The following FKTN variants were observed in gnomAD, a reference collection of about 807,000 sequenced individuals.
The protein encoded by FKTN is ribitol-5-phosphate transferase FKTN.
Under a neutral mutation model 58.6 loss-of-function variants are expected in FKTN, and 47 were observed. That is an observed-to-expected ratio of 0.80 (90% confidence interval 0.63 to 1.02). FKTN has a LOEUF of 1.02. FKTN is among the 50% of genes least tolerant of loss of function. FKTN has a pLI of 0.00. For synonymous variants in FKTN, 178 were observed against 191.9 expected, an observed-to-expected ratio of 0.93 and a Z score of 0.60; for missense variants, 516 against 537.3, an observed-to-expected ratio of 0.96 and a Z score of 0.39.
chr9:105,637,592 T>G lies in FKTN; in HGVS notation c.*2328T>G. 1 of 985,450 alleles carries G rather than the reference T, an allele frequency of 1.0e-6. No homozygotes were observed. The highest frequency in any genetic ancestry group is 1.2e-6 in the Non-Finnish European group (1 of 829,928). 61.0% of individuals were successfully genotyped at this position (985,450 alleles called of 1,614,324 possible). ...GACCTTGGGTTAGGTATATCCATCT[T>G]CAGTACCTCATTGGATCACTTTTCT... On this transcript the variant is annotated 3_prime_UTR_variant, in exon 11 of 11. Transcript: ENST00000357998.
chr9:105,568,347 G>A (rs1840080858), intron 1 of FKTN, among the ~76,000 whole-genome samples: 1 of 152,172 alleles, frequency 6.6e-6, no homozygotes, highest in Non-Finnish European at 1.5e-5. Flanking sequence ...CCATCAGAGT[G>A]AACAGGCAAC....
At chr9:105,571,923 T>C (rs1288449499) in intron 1 of FKTN, among the ~76,000 whole-genome samples, 1 of 152,186 alleles carries the variant, frequency 6.6e-6, no homozygotes, top group Non-Finnish European at 1.5e-5. Flanking sequence ...AATTTTGGAT[T>C]AGGGATGTTC....
Position 105,638,772 on chromosome 9 carries a change from C to T in FKTN, c.*3508C>T, listed in dbSNP as rs1834227189. 2 of 975,622 alleles carry T rather than the reference C, an allele frequency of 2.0e-6. No homozygotes were observed. The highest frequency in any genetic ancestry group is 9.5e-5 in the South Asian group (2 of 21,074). The allele number at this position is 975,622 out of a possible 1,614,324, so 60.4% of individuals were successfully genotyped here. On this transcript the variant is annotated 3_prime_UTR_variant, in exon 11 of 11. Transcript: ENST00000357998. ...CTACTTTTAATTATTTATATTGATA[C>T]TCTCTGATAAATGCAGGTAGTTAAG...
At chr9:105,619,677 A>G (rs563259780) in intron 9 of FKTN, among the ~76,000 whole-genome samples, 31 of 152,244 alleles carry the variant, frequency 2.0e-4, no homozygotes, top group African/African-American at 7.5e-4. Flanking sequence ...AGTGATAATT[A>G]CCATAAGTCA....
intron 4 of FKTN, among the ~76,000 whole-genome samples, chr9:105,599,397 T>C (rs1443715496): frequency 6.6e-6 from 1 of 152,034 alleles, no homozygotes; most frequent in Non-Finnish European, 1.5e-5. Context: ...TTCTAATATT[T>C]TATTAAGTAT....
intron 8 of FKTN, among the ~76,000 whole-genome samples, chr9:105,616,273 C>A (rs1830784973): frequency 6.6e-6 from 1 of 152,082 alleles, no homozygotes; most frequent in South Asian, 2.1e-4. Context: ...TTGTTATTGC[C>A]TTTTTTTATA....
At chr9:105,581,544 G>T (rs1201231448) in intron 3 of FKTN, among the ~76,000 whole-genome samples, 1 of 151,386 alleles carries the variant, frequency 6.6e-6, no homozygotes, top group Non-Finnish European at 1.5e-5. Flanking sequence ...CCAGCTGCGT[G>T]CTGGGAGAAC....
At chr9:105,591,755 C>T (rs1844917783) in intron 3 of FKTN, among the ~76,000 whole-genome samples, 1 of 152,252 alleles carries the variant, frequency 6.6e-6, no homozygotes, top group South Asian at 2.1e-4. Context: ...TTCAACCCTG[C>T]ATTTCCCTTC....
chr9:105,638,210 T>C lies in FKTN; in HGVS notation c.*2946T>C. The C allele has an allele frequency of 6.1e-6, 6 of 985,402 alleles. No homozygotes were observed. Among genetic ancestry groups the C allele is most frequent in the Non-Finnish European group, 4.8e-6 (4 of 829,930 alleles). The allele number at this position is 985,402 out of a possible 1,614,324, so 61.0% of individuals were successfully genotyped here. On this transcript the variant is annotated 3_prime_UTR_variant, in exon 11 of 11. Transcript: ENST00000357998. ...GTCTGTTTCGCATCACAACACAGTATCTTTAACAGTGCTTGAGATGCTTAA... is the reference window on the plus strand; with the variant it reads ...GTCTGTTTCGCATCACAACACAGTACCTTTAACAGTGCTTGAGATGCTTAA...
intron 10 of FKTN, among the ~76,000 whole-genome samples, chr9:105,626,410 A>G (rs1207740439): frequency 6.6e-6 from 1 of 152,186 alleles, no homozygotes; most frequent in Non-Finnish European, 1.5e-5. Flanking sequence ...CACATGGTGA[A>G]AGGAGCAATC....
intron 3 of FKTN, among the ~76,000 whole-genome samples, chr9:105,578,678 G>C (rs1357912528): frequency 2.0e-5 from 3 of 151,566 alleles, no homozygotes; most frequent in Non-Finnish European, 4.4e-5. Flanking sequence ...AATGATGCTG[G>C]CCTCATAAAA....
chr9:105,590,870 C>T (rs1275791212), intron 3 of FKTN, among the ~76,000 whole-genome samples: 1 of 150,222 alleles, frequency 6.7e-6, no homozygotes. Flanking sequence ...AGCATCTGCT[C>T]AACTTCTGGG....
In FKTN at chr9:105,634,635, C is replaced by G. The variant is rs142738656; in HGVS notation, c.1173-416C>G. 8.5e-3 allele frequency among the ~76,000 whole-genome samples: 1,292 copies of G among 152,276 alleles called. 12 individuals carry two copies. Among genetic ancestry groups the G allele is most frequent in the Middle Eastern group, 0.024 (7 of 294 alleles). ...AATGCAACTTGGAGTCCTGCTTACT[C>G]TGTATCCTTGGAAAATCCAGATTGT... On this transcript the variant is annotated intron_variant, in intron 10 of 10. Coordinates refer to ENST00000357998, the MANE Select transcript of FKTN (RefSeq NM_001079802.2).
intron 10 of FKTN, among the ~76,000 whole-genome samples, chr9:105,629,230 A>G (rs1833106729): frequency 6.6e-6 from 1 of 152,184 alleles, no homozygotes; most frequent in African/African-American, 2.4e-5. Context: ...AAAAAAGGTT[A>G]AAAAGATAAA....
At position 105,602,572 on chromosome 9, in the gene FKTN, T is replaced by C. The variant is rs576452692; in HGVS notation, c.369+1224T>C. Among the ~76,000 whole-genome samples the C allele has an allele frequency of 1.3e-4, 20 of 152,364 alleles. No homozygotes were observed. The South Asian group carries it at 3.9e-3, about 30-fold the overall frequency. On this transcript the variant is annotated intron_variant, in intron 5 of 10. Coordinates refer to ENST00000357998, the MANE Select transcript of FKTN (RefSeq NM_001079802.2). ...GGTTTTTTGTTTTTGTTTTTGTTTT[T>C]TGAGACGGAGTCTCGCTGTGTCACC... is the stretch of plus-strand genomic sequence containing the variant.
chr9:105,562,308 G>T (rs1156817716), intron 1 of FKTN, among the ~76,000 whole-genome samples: 1 of 152,190 alleles, frequency 6.6e-6, no homozygotes, highest in African/African-American at 2.4e-5. Flanking sequence ...GGGGACTAGG[G>T]AATGAGGGCT....
At chr9:105,599,551 G>A (rs1421045844) in intron 4 of FKTN, among the ~76,000 whole-genome samples, 2 of 141,520 alleles carry the variant, frequency 1.4e-5, no homozygotes, top group Non-Finnish European at 3.0e-5. Context: ...TCGGCTCACT[G>A]CAACCTCCAC....
chr9:105,613,593 G>A (rs1311117431), intron 7 of FKTN, among the ~76,000 whole-genome samples: 1 of 152,138 alleles, frequency 6.6e-6, no homozygotes, highest in Non-Finnish European at 1.5e-5. Flanking sequence ...CAGATATTAT[G>A]TGCCAGGCAC....
Position 105,636,050 on chromosome 9 carries a change from T to A in FKTN, c.*786T>A. On this transcript the variant is annotated 3_prime_UTR_variant, in exon 11 of 11. Coordinates refer to ENST00000357998, the MANE Select transcript of FKTN (RefSeq NM_001079802.2). The stretch of plus-strand genomic sequence containing the variant: ...AATCATTCAAGTGAGACCATGTTAC[T>A]AGACATGATCTTGAAAGAGGCCATG... 3.0e-6 allele frequency: 3 copies of A among 985,184 alleles called. No homozygotes were observed. Among genetic ancestry groups the A allele is most frequent in the South Asian group, 9.4e-5 (2 of 21,280 alleles). 61.0% of individuals were successfully genotyped at this position (985,184 alleles called of 1,614,324 possible).
Sources: allele counts gnomAD v4.1 joint callset (sites outside exome capture counted in the v4.1 genomes callset), GRCh38; gene constraint gnomAD v4.1.1; transcripts MANE v1.5; gene names NCBI Gene and HGNC (gene_info 2026-07-23, HGNC 2026-07-21).